The following CCDC30 variants were observed in gnomAD, a reference collection of about 807,000 sequenced individuals.
CCDC30 encodes the protein coiled-coil domain-containing protein 30.
In CCDC30, 70 loss-of-function variants were observed where a neutral mutation model predicts 100.2. The ratio of observed to expected loss-of-function variants is 0.70; its 90% confidence interval spans 0.58 to 0.85. The LOEUF (loss-of-function observed/expected upper bound fraction) is 0.85, where lower values mean the gene tolerates loss of function less well. Ranked by LOEUF, CCDC30 falls within the 40% of genes least tolerant of loss-of-function variation. The pLI is 0.00. For synonymous variants in CCDC30, 233 were observed against 269.5 expected (o/e 0.86, Z 1.33); for missense variants, 652 against 771.2 (o/e 0.85, Z 1.83).
intron 7 of CCDC30, among the ~76,000 whole-genome samples, chr1:42,575,173 A>G (rs903165424): frequency 6.6e-6 from 1 of 152,202 alleles, no homozygotes; most frequent in Admixed American, 6.5e-5. Flanking sequence ...AATTCTATTT[A>G]CCATTAAAAC....
chr1:42,535,773 T>C (rs1241152484), intron 6 of CCDC30, among the ~76,000 whole-genome samples: 2 of 78,630 alleles, frequency 2.5e-5, no homozygotes, highest in Non-Finnish European at 4.9e-5. Flanking sequence ...TGCTTGGTGA[T>C]AGTGTGCTCA....
chr1:42,508,140 G>A (rs188640669), intron 6 of CCDC30, among the ~76,000 whole-genome samples: 129 of 152,242 alleles, frequency 8.5e-4, no homozygotes, highest in African/African-American at 2.9e-3. Context: ...GGAGGAACAC[G>A]ACTAGGAAAG....
At chr1:42,526,465 A>G (rs1569915879) in intron 6 of CCDC30, among the ~76,000 whole-genome samples, 2 of 152,030 alleles carry the variant, frequency 1.3e-5, no homozygotes, top group Non-Finnish European at 2.9e-5. Context: ...CATACAAATG[A>G]TATCATCCCA....
chr1:42,458,332 G>A (rs79990645), upstream of CCDC30, among the ~76,000 whole-genome samples: 881 of 152,292 alleles, frequency 5.8e-3, 10 homozygotes, highest in Non-Finnish European at 9.6e-3. Context: ...GATAAGGTAG[G>A]TGTGGTTGTG....
At chr1:42,581,630 G>C (rs1219205133) in intron 9 of CCDC30, 116 bp downstream of exon 13, 1 of 881,400 alleles carries the variant, frequency 1.1e-6, no homozygotes, top group East Asian at 2.8e-5. Flanking sequence ...CCCCACTGAA[G>C]TAAACTCAGC....
intron 1 of CCDC30, among the ~76,000 whole-genome samples, chr1:42,472,417 AAAGAACTG>A (rs1643800645): frequency 6.6e-6 from 1 of 152,228 alleles, no homozygotes; most frequent in African/African-American, 2.4e-5. Flanking sequence ...AAGTTGCAGA[AAAGAACTG>A]AATTAATGAG....
intron 11 of CCDC30, among the ~76,000 whole-genome samples, chr1:42,631,148 G>A (rs1181159118): frequency 6.6e-6 from 1 of 152,150 alleles, no homozygotes; most frequent in Non-Finnish European, 1.5e-5. Flanking sequence ...CTTGGGTGTT[G>A]TCATCTAAGC....
At chr1:42,466,002 C>T (rs537395389) in intron 1 of CCDC30, among the ~76,000 whole-genome samples, 1 of 152,128 alleles carries the variant, frequency 6.6e-6, no homozygotes, top group East Asian at 1.9e-4. Context: ...TTTTACATTG[C>T]TACAGTGTTT....
At chr1:42,457,503 C>T in the CCDC30 span, 2 of 659,468 alleles carry the variant, frequency 3.0e-6, no homozygotes, top group South Asian at 3.6e-5. Flanking sequence ...ATGGACCTCA[C>T]AATCTAGTGA....
At chr1:42,467,950 A>T (rs868158353) in intron 1 of CCDC30, among the ~76,000 whole-genome samples, 16 of 152,364 alleles carry the variant, frequency 1.1e-4, no homozygotes, top group African/African-American at 3.6e-4. Context: ...AAGCAGAGGA[A>T]GTTTTTCTCT....
chr1:42,602,096 A>C (rs1375800049), intron 10 of CCDC30, among the ~76,000 whole-genome samples: 1 of 152,190 alleles, frequency 6.6e-6, no homozygotes, highest in Admixed American at 6.5e-5. Context: ...AGAATCAGTG[A>C]GCTCAAGACA....
chr1:42,476,545 C>T (rs1411493294), intron 1 of CCDC30, among the ~76,000 whole-genome samples: 2 of 151,922 alleles, frequency 1.3e-5, no homozygotes, highest in Non-Finnish European at 2.9e-5. Flanking sequence ...ACAAAATTAG[C>T]CGGATGTGGT....
chr1:42,633,389 C>G (rs1357540162), intron 11 of CCDC30, among the ~76,000 whole-genome samples: 1 of 152,084 alleles, frequency 6.6e-6, no homozygotes, highest in Non-Finnish European at 1.5e-5. Flanking sequence ...AACCTTCATC[C>G]TCTCCCCTCC....
In CCDC30 at chr1:42,568,364, C is replaced by T. The variant is rs575969573; in HGVS notation, c.636+1889C>T. ...TCCTGACCTCAGGTGATCCTTCCGG[C>T]TTAGCTTCCCAAAGTGCTGGGATTA... On this transcript the variant is annotated intron_variant, in intron 7 of 16. Transcript: ENST00000668663. Among the ~76,000 whole-genome samples, 96 of 152,164 alleles carry T rather than the reference C, an allele frequency of 6.3e-4. 1 individual carries two copies. Among genetic ancestry groups the T allele is most frequent in the East Asian group, 3.8e-4 (2 of 5,196 alleles).
intron 7 of CCDC30, among the ~76,000 whole-genome samples, chr1:42,571,605 A>G (rs897268236): frequency 5.9e-5 from 9 of 152,194 alleles, no homozygotes; most frequent in Non-Finnish European, 1.2e-4. Flanking sequence ...CTTTTTGGTA[A>G]TATCAATGAG....
intron 7 of CCDC30, among the ~76,000 whole-genome samples, chr1:42,568,262 A>G (rs530997758): frequency 6.6e-6 from 1 of 152,146 alleles, no homozygotes; most frequent in Admixed American, 6.5e-5. Context: ...TTATAGGCGC[A>G]TGTCACCACG....
chr1:42,596,586 A>C lies in CCDC30; in HGVS notation c.1164+7103A>C, dbSNP rs1646292186. On this transcript the variant is annotated intron_variant, in intron 10 of 16. Transcript: ENST00000668663. The surrounding 1 kb of genome is among the most constrained non-coding windows in gnomAD (Gnocchi z 4.3). ...TCCAGGGGCACAGGCTTACTAAAAG[A>C]CTGTACCTAATCATAGAGCTATAGA... 6.6e-6 allele frequency among the ~76,000 whole-genome samples: 1 copy of C among 152,172 alleles called. No homozygotes were observed. The highest frequency in any genetic ancestry group is 1.9e-4 in the East Asian group (1 of 5,166).
At chr1:42,459,964 C>T (rs764998252), upstream of CCDC30, 16 of 1,539,852 alleles carry the variant, frequency 1.0e-5, no homozygotes, top group Non-Finnish European at 1.4e-5. Flanking sequence ...TTGTTCAGGG[C>T]TCTTAGAGAT....
chr1:42,646,360 A>G, intron 15 of CCDC30, 43 bp downstream of exon 19: 1 of 1,405,022 alleles, frequency 7.1e-7, no homozygotes, highest in Non-Finnish European at 9.3e-7. Flanking sequence ...CCTTCCCCAC[A>G]TTCTGCCAGG....
Sources: allele counts gnomAD v4.1 joint callset (sites outside exome capture counted in the v4.1 genomes callset), GRCh38; gene constraint gnomAD v4.1.1; non-coding constraint Gnocchi (gnomAD v3.1); transcripts MANE v1.5; gene names NCBI Gene and HGNC (gene_info 2026-07-23, HGNC 2026-07-21).